CFHR4: variants seen among roughly 807,000 people sequenced by gnomAD.
The protein encoded by CFHR4 is complement factor H related 4.
CFHR4 carries 64 observed loss-of-function variants against 69.3 expected under a neutral mutation model. The ratio of observed to expected loss-of-function variants is 0.92; its 90% CI spans 0.76 to 1.14. The LOEUF (loss-of-function observed/expected upper bound fraction) is 1.14. Among genes scored for constraint, CFHR4 ranks in the 50% most tolerant of loss-of-function variants. The probability of loss-of-function intolerance (pLI) is 0.00; values close to 1 mark genes in which losing one functional copy is unlikely to be tolerated. For missense variants in CFHR4, 636 were observed against 684.9 expected (o/e 0.93, Z 0.80); for synonymous variants, 244 against 237.0 (o/e 1.03, Z -0.27).
In CFHR4 at chr1:196,902,444, A is replaced by T. The variant is rs957453338; in HGVS notation, c.85A>T (p.Ile29Phe). ...AGTGAAACCTTGTGATTTTCCAGAA[A>T]TTCAACATGGAGGTCTATATTATAA... Reference protein sequence around the residue: ...QEVKPCDFPEIQHGGLYYKSL... With the variant: ...QEVKPCDFPEFQHGGLYYKSL... Residue 29 changes from isoleucine to phenylalanine, a missense_variant, in exon 2 of 10, where the codon ATT (isoleucine) becomes TTT (phenylalanine). Coordinates refer to ENST00000608469, the MANE Select transcript of CFHR4 (RefSeq NM_001201550.3). The T allele has an allele frequency of 8.1e-6, 13 of 1,608,526 alleles. No individual in the cohort carries two copies. The highest frequency in any genetic ancestry group is 1.7e-5 in the Admixed American group (1 of 59,372).
chr1:196,914,503 G>A lies in CFHR4; in HGVS notation c.1189G>A (p.Asp397Asn), dbSNP rs1379204675. ...ATTTTATTTTGTTTCAGAATTTTGT[G>A]ATATGCCTGTTTTTGAGAATTCCAG... ...SAQPICIKFC[D>N]MPVFENSRAK... The change falls in exon 8 of 10, where the codon GAT becomes AAT. Residue 397 changes from aspartate (D) to asparagine (N), a missense_variant. By Grantham distance (23) the Asp-to-Asn change is conservative (BLOSUM62 1). Around this residue, in one of 3 missense-constraint regions of CFHR4, gnomAD observed 529 missense variants for 533.2 expected, o/e 0.99. Coordinates refer to ENST00000608469, the MANE Select transcript of CFHR4 (RefSeq NM_001201550.3). 1.2e-6 allele frequency: 2 copies of A among 1,606,010 alleles called. No homozygotes were observed. The highest frequency in any genetic ancestry group is 2.2e-5 in the South Asian group (2 of 89,722).
At chr1:196,910,624 T>A (rs1571442819) in intron 6 of CFHR4, 146 bp downstream of exon 6, 1 of 617,638 alleles carries the variant, frequency 1.6e-6, no homozygotes, top group East Asian at 2.8e-5. Context: ...CTAGATCTTT[T>A]CTGTTATGAG....
At chr1:196,907,156 T>G in intron 4 of CFHR4, 119 bp downstream of exon 4, 1 of 1,189,000 alleles carries the variant, frequency 8.4e-7, no homozygotes, top group East Asian at 2.6e-5. Context: ...AGTCCTCATT[T>G]GAGTGTGAAT....
Position 196,918,422 on chromosome 1 carries a change from C to G in CFHR4, c.*16C>G. 6.2e-7 allele frequency: 1 copy of G among 1,602,080 alleles called. No individual in the cohort carries two copies. Among genetic ancestry groups the G allele is most frequent in the Non-Finnish European group, 8.5e-7 (1 of 1,170,858 alleles). On this transcript the variant is annotated 3_prime_UTR_variant, in exon 10 of 10. Coordinates refer to ENST00000608469, the MANE Select transcript of CFHR4 (RefSeq NM_001201550.3). Reference sequence around the variant, plus strand: ...ATGCGAATAAGGCAGCATTGTTACCCTAAATGTATGTCCAACTTCCACTTC... The same window carrying G: ...ATGCGAATAAGGCAGCATTGTTACCGTAAATGTATGTCCAACTTCCACTTC...
intron 1 of CFHR4, among the ~76,000 whole-genome samples, chr1:196,891,586 G>A (rs1269444578): frequency 1.3e-5 from 2 of 151,300 alleles, no homozygotes; most frequent in Non-Finnish European, 2.9e-5. Flanking sequence ...CCTCCTTCCA[G>A]TTCTCTCTGA....
chr1:196,899,220 C>G (rs1156863186), intron 1 of CFHR4, among the ~76,000 whole-genome samples: 1 of 149,024 alleles, frequency 6.7e-6, no homozygotes, highest in East Asian at 2.0e-4. Flanking sequence ...CAAACATATT[C>G]TTTTTTTTTT....
chr1:196,899,578 A>C (rs1222225471), intron 1 of CFHR4, among the ~76,000 whole-genome samples: 1 of 151,632 alleles, frequency 6.6e-6, no homozygotes, highest in African/African-American at 2.4e-5. Flanking sequence ...TATCGTGCCC[A>C]AACCCAGATG....
intron 9 of CFHR4, among the ~76,000 whole-genome samples, chr1:196,915,440 A>C (rs1216978844): frequency 6.6e-6 from 1 of 151,402 alleles, no homozygotes; most frequent in Non-Finnish European, 1.5e-5. Context: ...GTTCGAGATC[A>C]GCCTGACCAA....
intron 5 of CFHR4, among the ~76,000 whole-genome samples, chr1:196,908,399 T>C (rs191820556): frequency 1.3e-5 from 2 of 151,568 alleles, no homozygotes; most frequent in Non-Finnish European, 2.9e-5. Flanking sequence ...AAGTTCTTTC[T>C]CTGATTATTG....
chr1:196,910,083 C>A (rs1254699801), intron 5 of CFHR4, among the ~76,000 whole-genome samples, 198 bp from the exon 6 acceptor site: 1 of 144,726 alleles, frequency 6.9e-6, no homozygotes, highest in Non-Finnish European at 1.5e-5. Flanking sequence ...ACCTGGGAGA[C>A]GGAGGTCACA....
chr1:196,903,624 G>T (rs1231041451), intron 2 of CFHR4, among the ~76,000 whole-genome samples: 1 of 150,740 alleles, frequency 6.6e-6, no homozygotes, highest in Non-Finnish European at 1.5e-5. Context: ...CTGCACTCCA[G>T]ACTCGGTGAT....
chr1:196,907,097 T>A, intron 4 of CFHR4, 60 bp downstream of exon 4: 2 of 1,467,404 alleles, frequency 1.4e-6, no homozygotes, highest in East Asian at 2.5e-5. Context: ...AACATACATA[T>A]GTATATGTAC....
chr1:196,911,830 A>T (rs1158094695), intron 6 of CFHR4, among the ~76,000 whole-genome samples: 2 of 151,514 alleles, frequency 1.3e-5, no homozygotes, highest in African/African-American at 4.9e-5. Flanking sequence ...TGAAAATAAA[A>T]CTGTTTACAA....
At chr1:196,911,688 G>GT (rs1658277110) in intron 6 of CFHR4, among the ~76,000 whole-genome samples, 1 of 151,430 alleles carries the variant, frequency 6.6e-6, no homozygotes, top group South Asian at 2.1e-4. Context: ...TTACCCCTTT[G>GT]TAAGAGCAAC....
chr1:196,896,898 T>TTATTA (rs1558237920), intron 1 of CFHR4, among the ~76,000 whole-genome samples: 7 of 151,434 alleles, frequency 4.6e-5, no homozygotes, highest in African/African-American at 1.7e-4. Flanking sequence ...TTTAATCTTT[T>TTATTA]TTATTATTAT....
Position 196,913,012 on chromosome 1 carries a change from CTT to C in CFHR4, c.1180+93_1180+94del, listed in dbSNP as rs1658364795. 2.5e-6 allele frequency: 4 copies of C among 1,592,442 alleles called. No homozygotes were observed. The African/African-American group carries it at 4.1e-5, about 16-fold the overall frequency. ...GTTTTACTTAAAAATATAGAAAACA[CTT>C]TTAGGAGTAAAGAGATACAAATACT... On this transcript the variant is annotated intron_variant, in intron 7 of 9. Transcript: ENST00000608469.
At chr1:196,893,947 T>G (rs1338187404) in intron 1 of CFHR4, among the ~76,000 whole-genome samples, 1 of 151,572 alleles carries the variant, frequency 6.6e-6, no homozygotes, top group Non-Finnish European at 1.5e-5. Flanking sequence ...CTCTATGTGC[T>G]TCCATGATAA....
intron 7 of CFHR4, among the ~76,000 whole-genome samples, chr1:196,913,617 T>C (rs1658404639): frequency 6.6e-6 from 1 of 151,442 alleles, no homozygotes; most frequent in South Asian, 2.1e-4. Flanking sequence ...AAAAGTTGAT[T>C]TTTTTTCTTT....
chr1:196,901,150 A>T (rs531694873), intron 1 of CFHR4, among the ~76,000 whole-genome samples: 1 of 151,588 alleles, frequency 6.6e-6, no homozygotes, highest in Non-Finnish European at 1.5e-5. Flanking sequence ...GCTAAGCTTC[A>T]AAAACAGCAC....
Sources: allele counts gnomAD v4.1 joint callset (sites outside exome capture counted in the v4.1 genomes callset), GRCh38; gene constraint gnomAD v4.1.1; regional missense constraint gnomAD v4.1.1; transcripts MANE v1.5; gene names NCBI Gene and HGNC (gene_info 2026-07-23, HGNC 2026-07-21).